SLC39A11: variants seen among roughly 807,000 people sequenced by gnomAD.
SLC39A11 encodes the protein zinc transporter ZIP11.
A neutral mutation model predicts 36.1 loss-of-function variants in SLC39A11; 33 were observed. That is an observed-to-expected ratio of 0.91 (90% CI 0.69 to 1.22). The LOEUF is 1.22. Ranked by LOEUF, SLC39A11 falls within the 50% of genes most tolerant of loss-of-function variation. The probability of loss-of-function intolerance (pLI) is 0.00; values close to 1 mark genes in which losing one functional copy is unlikely to be tolerated. For synonymous variants in SLC39A11, 166 were observed against 170.3 expected, an observed-to-expected ratio of 0.97 and a Z score of 0.20; for missense variants, 432 against 430.3, an observed-to-expected ratio of 1.00 and a Z score of -0.03.
At chr17:72,739,687 G>A (rs2074589654) in intron 6 of SLC39A11, among the ~76,000 whole-genome samples, 2 of 152,140 alleles carry the variant, frequency 1.3e-5, no homozygotes, top group South Asian at 4.1e-4. Context: ...CACAGAGAAG[G>A]CTCCAAAACC....
intron 5 of SLC39A11, among the ~76,000 whole-genome samples, chr17:72,862,866 G>A (rs1001048556): frequency 1.3e-5 from 2 of 152,202 alleles, no homozygotes; most frequent in Admixed American, 6.5e-5. Context: ...GTGAGTAGCT[G>A]TATGGTAGAA....
At position 72,677,380 on chromosome 17, in the gene SLC39A11, G is replaced by A. The variant is rs532872945; in HGVS notation, c.672-28112C>T. Among the ~76,000 whole-genome samples the A allele has an allele frequency of 1.4e-3, 218 of 152,300 alleles. 1 individual carries two copies. The highest frequency in any genetic ancestry group is 5.1e-3 in the African/African-American group (210 of 41,556). On this transcript the variant is annotated intron_variant, in intron 7 of 9. Coordinates refer to ENST00000255559, the MANE Select transcript of SLC39A11 (RefSeq NM_139177.4). ...GCTACATCACAGCAGATGCTGCAAG[G>A]AGAAAGGCCAACATCTGGTCAGATG...
intron 5 of SLC39A11, among the ~76,000 whole-genome samples, chr17:72,850,739 C>T (rs559940100): frequency 5.3e-5 from 8 of 152,238 alleles, no homozygotes; most frequent in Non-Finnish European, 5.9e-5. Flanking sequence ...ATGTCACAAG[C>T]GTTTTGTGAG....
chr17:73,075,252 T>C (rs975281505), intron 3 of SLC39A11, among the ~76,000 whole-genome samples: 1 of 152,198 alleles, frequency 6.6e-6, no homozygotes, highest in African/African-American at 2.4e-5. Flanking sequence ...CCTTTAAACA[T>C]GCAGAAACAA....
intron 6 of SLC39A11, among the ~76,000 whole-genome samples, chr17:72,804,953 T>C (rs1376662913): frequency 6.6e-6 from 1 of 151,892 alleles, no homozygotes; most frequent in African/African-American, 2.4e-5. Context: ...GAGGCGAAGG[T>C]TGCAGTGAGC....
chr17:72,755,732 C>G (rs2075347992), intron 6 of SLC39A11, among the ~76,000 whole-genome samples: 1 of 152,240 alleles, frequency 6.6e-6, no homozygotes, highest in Non-Finnish European at 1.5e-5. Flanking sequence ...GAATCCCGCC[C>G]TGTGGGACTG....
At chr17:72,897,979 A>G (rs1273069146) in intron 5 of SLC39A11, among the ~76,000 whole-genome samples, 1 of 152,112 alleles carries the variant, frequency 6.6e-6, no homozygotes, top group Non-Finnish European at 1.5e-5. Flanking sequence ...GATCCACAGA[A>G]ACGTAGGAGA....
intron 5 of SLC39A11, among the ~76,000 whole-genome samples, chr17:72,918,753 C>T (rs1399129305): frequency 6.6e-6 from 1 of 152,132 alleles, no homozygotes; most frequent in African/African-American, 2.4e-5. Context: ...AAAGAAGGGC[C>T]CCCGGCCAGC....
Position 72,938,462 on chromosome 17 carries a change from T to G in SLC39A11, c.430+9290A>C, listed in dbSNP as rs77511689. Among the ~76,000 whole-genome samples, 1,224 of 152,304 alleles carry G rather than the reference T, an allele frequency of 8.0e-3. 23 individuals carry two copies. Among genetic ancestry groups the G allele is most frequent in the African/African-American group, 0.027 (1,137 of 41,574 alleles). On this transcript the variant is annotated intron_variant, in intron 5 of 9. Coordinates refer to ENST00000255559, the MANE Select transcript of SLC39A11 (RefSeq NM_139177.4). ...CTCAAATCCAGCCTTCTGTTCCTTA[T>G]TAGGCACTTTTAGTAACAGGCAAAA...
At chr17:72,694,028 C>G (rs2072167508) in intron 7 of SLC39A11, among the ~76,000 whole-genome samples, 1 of 152,116 alleles carries the variant, frequency 6.6e-6, no homozygotes, top group Non-Finnish European at 1.5e-5. Context: ...AGAGTCCTCT[C>G]CTTGCTCAGT....
intron 6 of SLC39A11, among the ~76,000 whole-genome samples, chr17:72,846,219 G>A (rs928947949): frequency 1.3e-4 from 20 of 151,740 alleles, no homozygotes; most frequent in African/African-American, 4.1e-4. Flanking sequence ...TAGTAGAGAC[G>A]GGGTTTCGCC....
chr17:72,977,758 A>G (rs58218961), intron 4 of SLC39A11, among the ~76,000 whole-genome samples: 10,565 of 152,252 alleles, frequency 0.069, 986 homozygotes, highest in African/African-American at 0.21. Flanking sequence ...AGTTTGGGGA[A>G]ACGGTAGTGA....
intron 5 of SLC39A11, among the ~76,000 whole-genome samples, chr17:72,901,209 C>T (rs1029481256): frequency 2.6e-5 from 4 of 152,218 alleles, no homozygotes; most frequent in African/African-American, 9.6e-5. Context: ...GGGGCCTGGA[C>T]TGCGGGAGCT....
chr17:73,047,990 A>AAT lies in SLC39A11; in HGVS notation c.148-16278_148-16277dup, dbSNP rs151142811. ...TCAAAAAAAAAAAAAAAAAAAAAAAAATATATATATATATATATATATATA... is the reference window on the plus strand; with the variant it reads ...TCAAAAAAAAAAAAAAAAAAAAAAAAATATATATATATATATATATATATATA... On this transcript the variant is annotated intron_variant, in intron 3 of 9. Transcript: ENST00000255559. Among the ~76,000 whole-genome samples, 196 of 58,606 alleles carry AAT rather than the reference A, an allele frequency of 3.3e-3. 4 individuals are homozygous for AAT. Among genetic ancestry groups the AAT allele is most frequent in the Middle Eastern group, 0.013 (1 of 76 alleles). 38.4% of individuals were successfully genotyped at this position (58,606 alleles called of 152,430 possible).
intron 6 of SLC39A11, among the ~76,000 whole-genome samples, chr17:72,755,198 G>A (rs1159462498): frequency 1.3e-5 from 2 of 152,234 alleles, no homozygotes; most frequent in Non-Finnish European, 2.9e-5. Context: ...GATCACAGAT[G>A]TGAAATGAGG....
chr17:72,954,404 A>C (rs2086097607), intron 4 of SLC39A11, among the ~76,000 whole-genome samples: 2 of 152,232 alleles, frequency 1.3e-5, no homozygotes, highest in South Asian at 4.1e-4. Context: ...GCTACATGGA[A>C]GCCAAGTGTT....
intron 7 of SLC39A11, among the ~76,000 whole-genome samples, chr17:72,727,667 A>G (rs1056559883): frequency 2.0e-5 from 3 of 149,028 alleles, no homozygotes; most frequent in Admixed American, 2.0e-4. Flanking sequence ...AAAAAAAAAA[A>G]AAAAAGAAAG....
At position 72,740,775 on chromosome 17, in the gene SLC39A11, A is replaced by G. The variant is rs549116153; in HGVS notation, c.602-4056T>C. Among the ~76,000 whole-genome samples, 3 of 151,748 alleles carry G rather than the reference A, an allele frequency of 2.0e-5. No homozygotes were observed. The South Asian group carries it at 6.2e-4, about 32-fold the overall frequency. On this transcript the variant is annotated intron_variant, in intron 6 of 9. Coordinates refer to ENST00000255559, the MANE Select transcript of SLC39A11 (RefSeq NM_139177.4). ...TGTCACAAGGCCTTTTTTTATTTTT[A>G]TTTTTTATTTGTATTTGAGACGGAG...
intron 7 of SLC39A11, among the ~76,000 whole-genome samples, chr17:72,681,769 A>G (rs1474527702): frequency 2.0e-5 from 3 of 152,216 alleles, no homozygotes; most frequent in Non-Finnish European, 2.9e-5. Context: ...CTCAGTGTGA[A>G]GATGATCCAC....
Sources: gnomAD v4.1 joint callset for allele counts (sites outside exome capture counted in the v4.1 genomes callset) on GRCh38, gnomAD v4.1.1 for gene constraint, MANE v1.5 for transcripts, NCBI Gene and HGNC (gene_info 2026-07-23, HGNC 2026-07-21) for gene names.